The following SEMA5A variants were observed in gnomAD, a reference collection of about 807,000 sequenced individuals.
The protein encoded by SEMA5A is semaphorin 5A.
In SEMA5A, 55 loss-of-function variants were observed where a neutral mutation model predicts 135.5. That is an observed-to-expected ratio of 0.41 (90% CI 0.33 to 0.51). The LOEUF is 0.51. SEMA5A is among the 20% of genes least tolerant of loss of function. The pLI is 0.37. For missense variants in SEMA5A, 1,290 were observed against 1,419.9 expected, an observed-to-expected ratio of 0.91 and a Z score of 1.47; for synonymous variants, 580 against 546.5, an observed-to-expected ratio of 1.06 and a Z score of -0.85.
At chr5:9,395,245 A>G (rs1756337061) in intron 2 of SEMA5A, among the ~76,000 whole-genome samples, 1 of 152,208 alleles carries the variant, frequency 6.6e-6, no homozygotes, top group Non-Finnish European at 1.5e-5. Context: ...CCATTGCTGC[A>G]GTACGGAAAA....
At chr5:9,066,148 T>A (rs978002094) in intron 17 of SEMA5A, among the ~76,000 whole-genome samples, 7 of 152,204 alleles carry the variant, frequency 4.6e-5, no homozygotes, top group Admixed American at 3.9e-4. Context: ...ACTGAATAAA[T>A]CTCACACAAA....
intron 5 of SEMA5A, among the ~76,000 whole-genome samples, chr5:9,273,303 G>T (rs80177014): frequency 0.15 from 23,303 of 151,994 alleles, 1,859 homozygotes; most frequent in East Asian, 0.24. Context: ...GAAGTGAAAA[G>T]AAATGAACAA....
At chr5:9,375,538 A>G (rs1755329223) in intron 3 of SEMA5A, among the ~76,000 whole-genome samples, 1 of 150,364 alleles carries the variant, frequency 6.7e-6, no homozygotes, top group Non-Finnish European at 1.5e-5. Flanking sequence ...ACCTGCAAAC[A>G]CCGTAATTTT....
At chr5:9,454,311 G>T (rs1383438286) in intron 1 of SEMA5A, among the ~76,000 whole-genome samples, 1 of 152,126 alleles carries the variant, frequency 6.6e-6, no homozygotes, top group East Asian at 1.9e-4. Context: ...TTGTTCTCCA[G>T]ACTAAAGGGG....
chr5:9,312,465 A>G (rs1250215313), intron 5 of SEMA5A, among the ~76,000 whole-genome samples: 7 of 152,152 alleles, frequency 4.6e-5, no homozygotes, highest in Admixed American at 2.6e-4. Flanking sequence ...TTCTTAAATT[A>G]AAAGCAACTC....
At chr5:9,185,353 T>C (rs1408955999) in intron 11 of SEMA5A, among the ~76,000 whole-genome samples, 7 of 152,212 alleles carry the variant, frequency 4.6e-5, no homozygotes, top group East Asian at 1.9e-4. Flanking sequence ...GCTAGAAGCA[T>C]ATAAACCTCT....
chr5:9,390,253 C>G (rs573926804), intron 2 of SEMA5A, among the ~76,000 whole-genome samples: 38 of 152,204 alleles, frequency 2.5e-4, no homozygotes, highest in Non-Finnish European at 3.1e-4. Context: ...TATAGCCAGA[C>G]AGACTTAAAA....
At chr5:9,222,668 C>T (rs893376635) in intron 8 of SEMA5A, among the ~76,000 whole-genome samples, 2 of 152,208 alleles carry the variant, frequency 1.3e-5, no homozygotes, top group African/African-American at 2.4e-5. Context: ...AACATTAATG[C>T]CTTTGTAAAT....
intron 2 of SEMA5A, among the ~76,000 whole-genome samples, chr5:9,387,286 G>A (rs1579456688): frequency 1.3e-5 from 2 of 152,210 alleles, no homozygotes; most frequent in South Asian, 2.1e-4. Flanking sequence ...CAGTGTCTTC[G>A]GGGTATCCTT....
At chr5:9,354,162 G>T (rs369009056) in intron 3 of SEMA5A, among the ~76,000 whole-genome samples, 1 of 152,080 alleles carries the variant, frequency 6.6e-6, no homozygotes, top group Admixed American at 6.5e-5. Context: ...CATTGGCTTT[G>T]CCCTTTTTGG....
At chr5:9,421,461 T>C (rs982510908) in intron 2 of SEMA5A, among the ~76,000 whole-genome samples, 2 of 152,252 alleles carry the variant, frequency 1.3e-5, no homozygotes, top group African/African-American at 4.8e-5. Flanking sequence ...CCCTTATATA[T>C]GTATGCTGGT....
At chr5:9,108,367 A>G in intron 15 of SEMA5A, 80 bp from the exon 16 acceptor site, 1 of 1,533,608 alleles carries the variant, frequency 6.5e-7, no homozygotes, top group South Asian at 1.2e-5. Flanking sequence ...CCATCCCTGC[A>G]CCAGATGTTG....
At position 9,051,878 on chromosome 5, in the gene SEMA5A, A is replaced by G. The variant is rs774729705; in HGVS notation, c.2840T>C (p.Ile947Thr). 1.2e-6 allele frequency: 2 copies of G among 1,614,140 alleles called. No individual in the cohort carries two copies. The highest frequency in any genetic ancestry group is 2.2e-5 in the South Asian group (2 of 91,080). The change falls in exon 20 of 23, where the codon ATC becomes ACC. Residue 947 changes from isoleucine (I) to threonine (T), a missense_variant. This residue lies in a region of SEMA5A where 1,029 missense variants were observed against 1,086.6 expected (regional missense o/e 0.95). Coordinates refer to ENST00000382496, the MANE Select transcript of SEMA5A (RefSeq NM_003966.3). ...SRPCVFDSNF[I>T]PEVSVARSSS... is the part of the protein sequence containing the mutation. ...ATAAATACCTCTGCTCTTACCTGGG[A>G]TGAAATTAGAGTCAAACACACACGG...
At chr5:9,322,681 A>C (rs1752682326) in intron 4 of SEMA5A, among the ~76,000 whole-genome samples, 2 of 152,210 alleles carry the variant, frequency 1.3e-5, no homozygotes, top group South Asian at 4.1e-4. Context: ...TAACAGCTGC[A>C]GTGAGATTTG....
At chr5:9,535,827 G>A (rs1737732648) in intron 1 of SEMA5A, among the ~76,000 whole-genome samples, 1 of 152,198 alleles carries the variant, frequency 6.6e-6, no homozygotes, top group South Asian at 2.1e-4. Context: ...CAAGCCAGGA[G>A]AGAGTTACCC....
chr5:9,273,791 A>C (rs1379402639), intron 5 of SEMA5A, among the ~76,000 whole-genome samples: 4 of 152,150 alleles, frequency 2.6e-5, no homozygotes, highest in Admixed American at 2.6e-4. Flanking sequence ...GCAAATGCTG[A>C]GAGATTTTGT....
chr5:9,503,130 A>AGG (rs1276199627), intron 1 of SEMA5A, among the ~76,000 whole-genome samples: 2 of 151,926 alleles, frequency 1.3e-5, no homozygotes, highest in Admixed American at 1.3e-4. Flanking sequence ...TAAAAGAGAG[A>AGG]GAGAGAGAGA....
chr5:9,408,168 C>T (rs1756969525), intron 2 of SEMA5A, among the ~76,000 whole-genome samples: 1 of 151,864 alleles, frequency 6.6e-6, no homozygotes, highest in Admixed American at 6.6e-5. Flanking sequence ...ACCACCACCA[C>T]AATCACCAAC....
chr5:9,163,728 C>T (rs1463128007), intron 11 of SEMA5A, among the ~76,000 whole-genome samples: 1 of 151,878 alleles, frequency 6.6e-6, no homozygotes, highest in Non-Finnish European at 1.5e-5. Flanking sequence ...AGTGTAGGCC[C>T]TCATCTGATA....
Sources: gnomAD v4.1 joint callset for allele counts (sites outside exome capture counted in the v4.1 genomes callset) on GRCh38, gnomAD v4.1.1 for gene constraint, gnomAD v4.1.1 regional missense constraint, MANE v1.5 for transcripts, NCBI Gene and HGNC (gene_info 2026-07-23, HGNC 2026-07-21) for gene names.